MIPEP: variants seen among roughly 807,000 people sequenced by gnomAD.
MIPEP encodes mitochondrial intermediate peptidase.
Under a neutral mutation model 90.3 loss-of-function variants are expected in MIPEP, and 79 were observed. The observed-to-expected ratio is 0.87, with a 90% CI of 0.73 to 1.05. The LOEUF (loss-of-function observed/expected upper bound fraction) is 1.05. Ranked by LOEUF, MIPEP falls within the 50% of genes least tolerant of loss-of-function variation. The pLI, the probability that MIPEP is intolerant of heterozygous loss-of-function variation, is 0.00. For synonymous variants in MIPEP, 334 were observed against 315.8 expected (o/e 1.06, Z -0.61); for missense variants, 940 against 905.6 (o/e 1.04, Z -0.49).
chr13:23,844,346 A>G (rs1388096398), intron 10 of MIPEP, among the ~76,000 whole-genome samples: 1 of 152,196 alleles, frequency 6.6e-6, no homozygotes, highest in Non-Finnish European at 1.5e-5. Flanking sequence ...ACTCCTGCAC[A>G]TGAGGAGGTT....
chr13:23,855,664 G>A (rs1311321417), intron 10 of MIPEP, among the ~76,000 whole-genome samples: 2 of 152,148 alleles, frequency 1.3e-5, no homozygotes, highest in African/African-American at 4.8e-5. Context: ...CAAGATTACT[G>A]AAGCCTCAAA....
intron 14 of MIPEP, among the ~76,000 whole-genome samples, chr13:23,821,919 CTGTGTGGACACAGAAGGG>C (rs1202638291): frequency 6.6e-6 from 1 of 152,082 alleles, no homozygotes; most frequent in African/African-American, 2.4e-5. Context: ...GGTTAGTTGA[CTGTGTGGACACAGAAGGG>C]CCAAATGTAT....
At chr13:23,775,443 G>A (rs1424870095) in intron 16 of MIPEP, among the ~76,000 whole-genome samples, 1 of 151,966 alleles carries the variant, frequency 6.6e-6, no homozygotes, top group African/African-American at 2.4e-5. Context: ...TTCCTTATCC[G>A]CAGTTACTGC....
chr13:23,863,123 G>A (rs114185668), intron 8 of MIPEP, among the ~76,000 whole-genome samples: 332 of 152,342 alleles, frequency 2.2e-3, no homozygotes, highest in African/African-American at 7.5e-3. Flanking sequence ...GATCCAATGT[G>A]TTGGTGTAGC....
At chr13:23,797,980 A>G (rs1278387733) in intron 16 of MIPEP, among the ~76,000 whole-genome samples, 1 of 152,234 alleles carries the variant, frequency 6.6e-6, no homozygotes, top group Non-Finnish European at 1.5e-5. Flanking sequence ...CTAAAAGGCT[A>G]TTTCGAATAC....
At chr13:23,796,985 C>A (rs760610603) in intron 16 of MIPEP, among the ~76,000 whole-genome samples, 29 of 152,176 alleles carry the variant, frequency 1.9e-4, no homozygotes, top group Non-Finnish European at 3.5e-4. Flanking sequence ...ATGTTTCAAG[C>A]CACTATACAG....
Position 23,879,339 on chromosome 13 carries a change from C to T in MIPEP, c.468G>A (p.Val156=). 6.4e-7 allele frequency: 1 copy of T among 1,571,746 alleles called. No individual in the cohort carries two copies. The highest frequency in any genetic ancestry group is 8.7e-7 in the Non-Finnish European group (1 of 1,143,254). ...ATTTTTGCAAACTTTGATATAAATCCACATTTGTGTTCAACCTAGAAAAAA... is the reference window on the plus strand; with the variant it reads ...ATTTTTGCAAACTTTGATATAAATCTACATTTGTGTTCAACCTAGAAAAAA... The part of the protein sequence containing the change: ...GTMVEKLNTN[V]DLYQSLQKLL... The change falls in exon 4 of 19, where the codon GTG becomes GTA. Residue 156 remains valine, a synonymous_variant. Coordinates refer to ENST00000382172, the MANE Select transcript of MIPEP (RefSeq NM_005932.4).
rs370559515 is a variant in MIPEP at position 23,877,307 on chromosome 13, A to T, written c.539+1961T>A. ...ATGTTTCTCCATTTCGGTCGCTTGC[A>T]TGCTTCCTAGGTGTTGTGTATGTTG... On this transcript the variant is annotated intron_variant, in intron 4 of 18. Transcript: ENST00000382172. Among the ~76,000 whole-genome samples, 87 of 152,276 alleles carry T rather than the reference A, an allele frequency of 5.7e-4. 3 individuals carry two copies. The South Asian group carries it at 0.018, about 31-fold the overall frequency.
intron 7 of MIPEP, among the ~76,000 whole-genome samples, chr13:23,865,197 A>G (rs1362831287): frequency 6.6e-6 from 1 of 152,202 alleles, no homozygotes; most frequent in Non-Finnish European, 1.5e-5. Context: ...ACTTTTTATC[A>G]CTGACTTATG....
rs533867807 is a variant in MIPEP at position 23,873,510 on chromosome 13, A to G, written c.603+1336T>C. ...AAAAAAAGCCAGGAATAATAGTAGC[A>G]CCAAGCTCAAAATTGTTGTGAGGAT... On this transcript the variant is annotated intron_variant, in intron 5 of 18. Coordinates refer to ENST00000382172, the MANE Select transcript of MIPEP (RefSeq NM_005932.4). Among the ~76,000 whole-genome samples, 6 of 152,324 alleles carry G rather than the reference A, an allele frequency of 3.9e-5. No homozygotes were observed. The East Asian group carries it at 1.2e-3, about 29-fold the overall frequency.
chr13:23,859,041 C>A (rs1870171671), intron 9 of MIPEP, 129 bp from the exon 10 acceptor site: 1 of 753,498 alleles, frequency 1.3e-6, no homozygotes, highest in Non-Finnish European at 2.2e-6. Flanking sequence ...TATAGAATCC[C>A]TTAAAAAATT....
Position 23,756,571 on chromosome 13 carries a change from C to T in MIPEP, c.2018G>A (p.Gly673Asp). 6.2e-7 allele frequency: 1 copy of T among 1,614,000 alleles called. No individual in the cohort carries two copies. Among genetic ancestry groups the T allele is most frequent in the South Asian group, 1.1e-5 (1 of 91,084 alleles). Residue 673 changes from glycine (G) to aspartate (D), a missense_variant, in exon 18 of 19, where the codon GGC becomes GAC. Coordinates refer to ENST00000382172, the MANE Select transcript of MIPEP (RefSeq NM_005932.4). ...YRREMLAHGG[G>D]REPMLMVEGM... ...TTCAACCATGAGCATGGGCTCCCTGCCTCCACCGTGGGCCAGCATCTCCCT... is the reference window on the plus strand; with the variant it reads ...TTCAACCATGAGCATGGGCTCCCTGTCTCCACCGTGGGCCAGCATCTCCCT...
chr13:23,843,081 G>A (rs1869372713), intron 10 of MIPEP, among the ~76,000 whole-genome samples: 1 of 120,632 alleles, frequency 8.3e-6, no homozygotes, highest in Non-Finnish European at 1.6e-5. Context: ...GGGCGACAGA[G>A]CAAGACTCTC....
At chr13:23,871,528 A>T (rs755253789) in intron 5 of MIPEP, among the ~76,000 whole-genome samples, 14 of 152,330 alleles carry the variant, frequency 9.2e-5, no homozygotes, top group Non-Finnish European at 1.6e-4. Context: ...GTTGGGCTTC[A>T]GGTGAAAGTG....
At chr13:23,867,314 C>T (rs1010741969) in intron 7 of MIPEP, among the ~76,000 whole-genome samples, 6 of 152,294 alleles carry the variant, frequency 3.9e-5, no homozygotes, top group African/African-American at 1.4e-4. Flanking sequence ...GCCTCAAGAC[C>T]TTAGCACTTG....
intron 1 of MIPEP, chr13:23,888,015 G>C: frequency 2.5e-6 from 1 of 392,740 alleles, no homozygotes; most frequent in Non-Finnish European, 4.9e-6. Context: ...TGACCATAAT[G>C]CTAAAAAACT....
At chr13:23,759,621 C>A (rs1952518823) in intron 17 of MIPEP, among the ~76,000 whole-genome samples, 1 of 152,146 alleles carries the variant, frequency 6.6e-6, no homozygotes, top group South Asian at 2.1e-4. Context: ...CACTACCTGG[C>A]CTTTAGAAAG....
At chr13:23,873,172 C>T (rs1173150421) in intron 5 of MIPEP, among the ~76,000 whole-genome samples, 1 of 152,198 alleles carries the variant, frequency 6.6e-6, no homozygotes, top group East Asian at 1.9e-4. Context: ...GGGACTTCAG[C>T]CAGGGAAACC....
intron 16 of MIPEP, among the ~76,000 whole-genome samples, chr13:23,802,521 C>T (rs1184450683): frequency 6.6e-6 from 1 of 152,138 alleles, no homozygotes; most frequent in African/African-American, 2.4e-5. Context: ...TGAGCCGAGA[C>T]TGCACCACTG....
Sources: gnomAD v4.1 joint callset for allele counts (sites outside exome capture counted in the v4.1 genomes callset) on GRCh38, gnomAD v4.1.1 for gene constraint, MANE v1.5 for transcripts, NCBI Gene and HGNC (gene_info 2026-07-23, HGNC 2026-07-21) for gene names.